CCDC171: variants seen among roughly 807,000 people sequenced by gnomAD.
CCDC171 encodes coiled-coil domain containing 171.
A neutral mutation model predicts 168.2 loss-of-function variants in CCDC171; 177 were observed. The ratio of observed to expected loss-of-function variants is 1.05; its 90% confidence interval spans 0.93 to 1.19. CCDC171 has a LOEUF of 1.19. Ranked by LOEUF, CCDC171 falls within the 50% of genes most tolerant of loss-of-function variation. CCDC171 has a pLI of 0.00. For missense variants in CCDC171, 1,991 were observed against 1,539.0 expected, an observed-to-expected ratio of 1.29 and a Z score of -4.91; for synonymous variants, 687 against 540.8, an observed-to-expected ratio of 1.27 and a Z score of -3.75.
chr9:16,054,313 G>A (rs978393036), intron 1 of CCDC171, among the ~76,000 whole-genome samples: 2 of 152,210 alleles, frequency 1.3e-5, no homozygotes, highest in African/African-American at 4.8e-5. Flanking sequence ...CATTGTGACA[G>A]AGGCTGTCAT....
At chr9:15,628,377 A>T (rs1002491916) in intron 7 of CCDC171, among the ~76,000 whole-genome samples, 1 of 151,918 alleles carries the variant, frequency 6.6e-6, no homozygotes, top group Non-Finnish European at 1.5e-5. Flanking sequence ...GGAGATTATA[A>T]CCCGCATCTG....
intron 21 of CCDC171, among the ~76,000 whole-genome samples, chr9:15,805,917 G>T (rs2135865290): frequency 6.6e-6 from 1 of 152,134 alleles, no homozygotes; most frequent in South Asian, 2.1e-4. Flanking sequence ...CTCTAAGAAT[G>T]TGCTTTATGA....
chr9:15,571,248 T>G (rs2040199805), intron 2 of CCDC171, among the ~76,000 whole-genome samples: 3 of 152,226 alleles, frequency 2.0e-5, no homozygotes, highest in Admixed American at 1.3e-4. Flanking sequence ...CTGACATTTT[T>G]CTTTTTGTAT....
At chr9:15,949,490 T>C (rs943763720) in intron 25 of CCDC171, among the ~76,000 whole-genome samples, 2 of 152,224 alleles carry the variant, frequency 1.3e-5, no homozygotes, top group African/African-American at 4.8e-5. Flanking sequence ...TATCCTCTTT[T>C]ATTTCATTGA....
At chr9:16,036,165 TG>T (rs1213379609) in exon 8 of CCDC171, 1 of 152,242 alleles carries the variant, frequency 6.6e-6, no homozygotes, top group African/African-American at 2.4e-5. Context: ...ACCTTGTCTT[TG>T]CCTATAGCTG....
rs1232021453 is a variant in CCDC171 at position 15,715,780 on chromosome 9, A to G, written c.1319-5989A>G. On this transcript the variant is annotated intron_variant, in intron 11 of 25. Transcript: ENST00000380701. ...ATGAAAAGTTACTGTTTTTTTCTGT[A>G]GAACTATGGATTACTGAAATAATGA... is the stretch of plus-strand genomic sequence containing the variant. 5.9e-5 allele frequency among the ~76,000 whole-genome samples: 9 copies of G among 152,328 alleles called. No homozygotes were observed. In the South Asian group the frequency reaches 1.4e-3, roughly 25 times the overall value.
intron 21 of CCDC171, 131 bp downstream of exon 21, chr9:15,784,825 A>T (rs1008527891): frequency 1.7e-5 from 11 of 649,512 alleles, no homozygotes; most frequent in Non-Finnish European, 2.7e-5. Context: ...GATAGAATGA[A>T]ACATGTTTCT....
chr9:15,868,094 A>G (rs983873012), intron 23 of CCDC171, among the ~76,000 whole-genome samples: 1 of 151,976 alleles, frequency 6.6e-6, no homozygotes, highest in Non-Finnish European at 1.5e-5. Flanking sequence ...TGTAATTGGG[A>G]TGTAACTATA....
At position 15,571,696 on chromosome 9, in the gene CCDC171, C is replaced by T. The variant is rs777061570; in HGVS notation, c.114C>T (p.Leu38=). ...NETELDITDN[L]RKKLHWAKKE... Reference sequence around the variant, plus strand: ...CAGAGTTGGATATTACTGATAATCTCAGGAAGAAACTCCATTGGGCTAAAA... The same window carrying T: ...CAGAGTTGGATATTACTGATAATCTTAGGAAGAAACTCCATTGGGCTAAAA... The change falls in exon 3 of 26, where the codon CTC becomes CTT. Residue 38 remains leucine (L), a synonymous_variant. Transcript: ENST00000380701. 5.7e-6 allele frequency: 9 copies of T among 1,585,160 alleles called. No homozygotes were observed. The South Asian group carries it at 8.2e-5, about 15-fold the overall frequency.
At chr9:15,616,036 C>T (rs1376413895) in intron 6 of CCDC171, among the ~76,000 whole-genome samples, 2 of 152,148 alleles carry the variant, frequency 1.3e-5, no homozygotes, top group Non-Finnish European at 2.9e-5. Flanking sequence ...CTGTAACCTC[C>T]ACCTCCTGGG....
intron 5 of CCDC171, among the ~76,000 whole-genome samples, chr9:15,593,145 C>T (rs1367720411): frequency 6.6e-6 from 1 of 151,998 alleles, no homozygotes; most frequent in East Asian, 1.9e-4. Flanking sequence ...AAAAAAAAGC[C>T]TCAAGGCTCT....
intron 24 of CCDC171, among the ~76,000 whole-genome samples, chr9:15,898,939 C>T (rs1398117512): frequency 6.6e-6 from 1 of 152,180 alleles, no homozygotes; most frequent in Non-Finnish European, 1.5e-5. Context: ...AAAATTCTCT[C>T]TCAAGTAACC....
At chr9:15,667,114 C>G (rs1347752092) in intron 9 of CCDC171, among the ~76,000 whole-genome samples, 1 of 152,094 alleles carries the variant, frequency 6.6e-6, no homozygotes, top group African/African-American at 2.4e-5. Flanking sequence ...AGCCTTTCAT[C>G]TTCAAAATTC....
chr9:15,571,154 C>T (rs1292677747), intron 2 of CCDC171, among the ~76,000 whole-genome samples: 1 of 152,156 alleles, frequency 6.6e-6, no homozygotes, highest in African/African-American at 2.4e-5. Flanking sequence ...TGTTCTCTCT[C>T]TTGTGAGTTT....
intron 18 of CCDC171, among the ~76,000 whole-genome samples, chr9:15,751,441 G>A (rs955833258): frequency 2.0e-5 from 3 of 152,100 alleles, no homozygotes; most frequent in African/African-American, 7.2e-5. Context: ...ATTTCATACG[G>A]AACCAAGAAG....
chr9:15,692,811 G>A (rs1395044109), intron 10 of CCDC171, among the ~76,000 whole-genome samples: 1 of 150,198 alleles, frequency 6.7e-6, no homozygotes, highest in Non-Finnish European at 1.5e-5. Flanking sequence ...ACAGGCGTGA[G>A]CCACAGCTCC....
At chr9:15,657,071 C>G (rs1243039537) in intron 7 of CCDC171, 56 bp from the exon 8 acceptor site, 7 of 965,912 alleles carry the variant, frequency 7.2e-6, no homozygotes, top group South Asian at 4.8e-5. Flanking sequence ...CTGTAGTGAT[C>G]CATATCTTCT....
At chr9:15,907,335 G>A (rs139673721) in intron 24 of CCDC171, among the ~76,000 whole-genome samples, 1,540 of 152,244 alleles carry the variant, frequency 0.01, 29 homozygotes, top group African/African-American at 0.035. Context: ...ACAGAACAGA[G>A]CCCTCAGAAA....
intron 24 of CCDC171, among the ~76,000 whole-genome samples, chr9:15,907,238 T>C (rs1309705686): frequency 1.3e-5 from 2 of 152,088 alleles, no homozygotes; most frequent in Non-Finnish European, 1.5e-5. Flanking sequence ...GGAGACATCA[T>C]GCTACCTGAC....
Sources: gnomAD v4.1 joint callset for allele counts (sites outside exome capture counted in the v4.1 genomes callset) on GRCh38, gnomAD v4.1.1 for gene constraint, MANE v1.5 for transcripts, NCBI Gene and HGNC (gene_info 2026-07-23, HGNC 2026-07-21) for gene names.